The following RIMBP2 variants were observed in gnomAD, a reference collection of about 807,000 sequenced individuals.
RIMBP2 encodes the protein RIMS binding protein 2, also known as RIMS-binding protein 2.
In RIMBP2, 48 loss-of-function variants were observed where a neutral mutation model predicts 118.6. That is an observed-to-expected ratio of 0.40 (90% CI 0.32 to 0.51). The LOEUF is 0.51. RIMBP2 is among the 20% of genes least tolerant of loss of function. The pLI, the probability that RIMBP2 is intolerant of heterozygous loss-of-function variation, is 0.41. For missense variants in RIMBP2, 1,551 were observed against 1,768.3 expected, an observed-to-expected ratio of 0.88 and a Z score of 2.20; for synonymous variants, 762 against 742.9, an observed-to-expected ratio of 1.03 and a Z score of -0.42.
intron 1 of RIMBP2, among the ~76,000 whole-genome samples, chr12:130,707,344 G>A (rs760117057): frequency 2.6e-5 from 4 of 152,154 alleles, no homozygotes; most frequent in African/African-American, 7.2e-5. Context: ...TCCCCCCCAC[G>A]CCCAGGAGTC....
At chr12:130,418,700 T>G (rs990701031) in intron 17 of RIMBP2, among the ~76,000 whole-genome samples, 1 of 152,178 alleles carries the variant, frequency 6.6e-6, no homozygotes, top group African/African-American at 2.4e-5. Flanking sequence ...TAGAGAGAGT[T>G]GGGTGTGGTC....
chr12:130,466,431 A>T (rs2080482423), intron 6 of RIMBP2: 1 of 152,154 alleles, frequency 6.6e-6, no homozygotes, highest in Admixed American at 6.5e-5. Flanking sequence ...GAAAAAAGAC[A>T]CTTCCCCATT....
At chr12:130,699,904 T>TAAAAAAA (rs33963621) in intron 1 of RIMBP2, among the ~76,000 whole-genome samples, 2 of 85,668 alleles carry the variant, frequency 2.3e-5, no homozygotes, top group Non-Finnish European at 4.8e-5. Flanking sequence ...GACTCTGTCT[T>TAAAAAAA]AAAAAAAAAA....
At chr12:130,486,200 C>T (rs776663994) in intron 4 of RIMBP2, among the ~76,000 whole-genome samples, 1 of 152,152 alleles carries the variant, frequency 6.6e-6, no homozygotes. Context: ...GCAGCCCGAA[C>T]CCATGGCCAC....
intron 13 of RIMBP2, among the ~76,000 whole-genome samples, chr12:130,436,206 G>A (rs966094442): frequency 3.9e-5 from 6 of 152,188 alleles, no homozygotes; most frequent in East Asian, 3.9e-4. Flanking sequence ...CGCACGTCCC[G>A]TTGTGTGTAT....
chr12:130,438,335 A>ACCGGGGGCCCCCCCCCC, intron 12 of RIMBP2, 30 bp downstream of exon 12: 2 of 865,014 alleles, frequency 2.3e-6, no homozygotes, highest in Non-Finnish European at 3.8e-6. Flanking sequence ...GGCCTAACAA[A>ACCGGGGGCCCCCCCCCC]CCCTCCCCAC....
chr12:130,579,178 C>T (rs916306242), intron 2 of RIMBP2, among the ~76,000 whole-genome samples: 19 of 152,128 alleles, frequency 1.2e-4, no homozygotes, highest in African/African-American at 4.1e-4. Context: ...ATTGCAAGCC[C>T]GGCTGGTTGT....
Position 130,621,383 on chromosome 12 carries a change from T to A in RIMBP2, c.-217+6939A>T, listed in dbSNP as rs2061303372. Among the ~76,000 whole-genome samples, 1 of 152,162 alleles carries A rather than the reference T, an allele frequency of 6.6e-6. No homozygotes were observed. The highest frequency in any genetic ancestry group is 1.5e-5 in the Non-Finnish European group (1 of 68,042). On this transcript the variant is annotated intron_variant, in intron 2 of 22. Coordinates refer to ENST00000690449, the MANE Select transcript of RIMBP2 (RefSeq NM_001393629.1). This position sits in a 1 kb window ranked among gnomAD's most constrained non-coding sequence, Gnocchi z 6.6. Reference sequence around the variant, plus strand: ...CAAGTGCACCATTAAGGGACTCTGATTAAAGACTGACGCCAACACAGAGGA... The same window carrying A: ...CAAGTGCACCATTAAGGGACTCTGAATAAAGACTGACGCCAACACAGAGGA...
At chr12:130,695,591 C>T (rs2065527352) in intron 1 of RIMBP2, among the ~76,000 whole-genome samples, 1 of 152,086 alleles carries the variant, frequency 6.6e-6, no homozygotes, top group African/African-American at 2.4e-5. Context: ...GGAGTCCAGG[C>T]AGGAACCTCA....
At chr12:130,598,168 C>T (rs1419326707) in intron 2 of RIMBP2, among the ~76,000 whole-genome samples, 2 of 152,164 alleles carry the variant, frequency 1.3e-5, no homozygotes, top group South Asian at 2.1e-4. Flanking sequence ...TACAGGCACA[C>T]TTGACAAAAG....
At chr12:130,552,528 A>G (rs1206977878) in intron 2 of RIMBP2, among the ~76,000 whole-genome samples, 1 of 152,248 alleles carries the variant, frequency 6.6e-6, no homozygotes, top group African/African-American at 2.4e-5. Context: ...TTCCCTAAAT[A>G]GTACTCCACT....
intron 4 of RIMBP2, among the ~76,000 whole-genome samples, chr12:130,497,353 G>T (rs1487579942): frequency 6.6e-6 from 1 of 152,292 alleles, no homozygotes; most frequent in African/African-American, 2.4e-5. Context: ...CACAGCCTCT[G>T]GTGGGTCCAC....
chr12:130,473,450 C>G (rs909215231), intron 5 of RIMBP2, among the ~76,000 whole-genome samples: 1 of 152,184 alleles, frequency 6.6e-6, no homozygotes, highest in African/African-American at 2.4e-5. Flanking sequence ...GGATGGCGCT[C>G]ACAGAAGGGA....
intron 4 of RIMBP2, among the ~76,000 whole-genome samples, chr12:130,506,332 G>A (rs2050345584): frequency 6.6e-6 from 1 of 152,148 alleles, no homozygotes; most frequent in African/African-American, 2.4e-5. Context: ...GCCACCTCTG[G>A]TCTTTAACGT....
At chr12:130,614,028 C>T (rs540601663) in intron 2 of RIMBP2, among the ~76,000 whole-genome samples, 2 of 152,214 alleles carry the variant, frequency 1.3e-5, no homozygotes, top group South Asian at 2.1e-4. Context: ...AAGCCAGCCC[C>T]GTCTCTGCAG....
chr12:130,714,336 C>G (rs1409955115), intron 1 of RIMBP2, among the ~76,000 whole-genome samples: 1 of 152,252 alleles, frequency 6.6e-6, no homozygotes, highest in African/African-American at 2.4e-5. Context: ...CCCGGCTGCA[C>G]GCTGGCCTCA....
At chr12:130,444,842 C>T (rs888497610) in intron 10 of RIMBP2, among the ~76,000 whole-genome samples, 4 of 152,244 alleles carry the variant, frequency 2.6e-5, no homozygotes, top group African/African-American at 9.6e-5. Flanking sequence ...GCAGGAGAGA[C>T]ACTTTTGGAA....
intron 6 of RIMBP2, among the ~76,000 whole-genome samples, chr12:130,468,201 T>C (rs1442225838): frequency 6.6e-6 from 1 of 152,166 alleles, no homozygotes; most frequent in Non-Finnish European, 1.5e-5. Flanking sequence ...CCCAAAGTGC[T>C]CACCCTGCAA....
chr12:130,667,615 TGCTGAGCCCCTACACA>T (rs2064009731), intron 1 of RIMBP2: 1 of 152,276 alleles, frequency 6.6e-6, no homozygotes, highest in Admixed American at 6.5e-5. Flanking sequence ...GAGGGGATCA[TGCTGAGCCCCTACACA>T]GCTGCAGGCG....
Sources: allele counts gnomAD v4.1 joint callset (sites outside exome capture counted in the v4.1 genomes callset), GRCh38; gene constraint gnomAD v4.1.1; non-coding constraint Gnocchi (gnomAD v3.1); transcripts MANE v1.5; gene names NCBI Gene and HGNC (gene_info 2026-07-23, HGNC 2026-07-21).